The following LPP variants were observed in gnomAD, a reference collection of about 807,000 sequenced individuals.
LPP encodes the protein LIM domain containing preferred translocation partner in lipoma.
LPP carries 38 observed loss-of-function variants against 60.4 expected under a neutral mutation model. The observed-to-expected ratio is 0.63, with a 90% CI of 0.49 to 0.83. LPP has a LOEUF of 0.83. LPP is among the 40% of genes least tolerant of loss of function. LPP has a pLI of 0.00. For missense variants in LPP, 902 were observed against 783.6 expected (o/e 1.15, Z -1.80); for synonymous variants, 328 against 290.8 (o/e 1.13, Z -1.30).
At chr3:188,585,244 T>G (rs1278888740) in intron 6 of LPP, among the ~76,000 whole-genome samples, 2 of 152,366 alleles carry the variant, frequency 1.3e-5, no homozygotes, top group Non-Finnish European at 1.5e-5. Context: ...GCCTTTAGCA[T>G]GTCAATGCCT....
intron 7 of LPP, chr3:188,688,700 T>G: frequency 2.3e-6 from 1 of 439,312 alleles, no homozygotes; most frequent in Non-Finnish European, 4.6e-6. Flanking sequence ...ATGGCTTGTC[T>G]ATTCAGCAAG....
chr3:188,772,619 C>T (rs1249957366), intron 9 of LPP, among the ~76,000 whole-genome samples: 8 of 152,126 alleles, frequency 5.3e-5, no homozygotes, highest in Admixed American at 1.3e-4. Flanking sequence ...CTCGGCCTCC[C>T]GAGTAGCTGG....
chr3:188,784,209 A>G (rs948554217), intron 9 of LPP, among the ~76,000 whole-genome samples: 1 of 151,550 alleles, frequency 6.6e-6, no homozygotes, highest in Non-Finnish European at 1.5e-5. Flanking sequence ...TTCACTTAGA[A>G]TAATAATTTC....
At chr3:188,790,882 G>A (rs1743486331) in intron 9 of LPP, among the ~76,000 whole-genome samples, 2 of 151,664 alleles carry the variant, frequency 1.3e-5, no homozygotes, top group Admixed American at 1.3e-4. Context: ...AGGTAGCGAT[G>A]GTGCTTTTCA....
At chr3:188,499,735 T>C (rs773620326) in intron 5 of LPP, among the ~76,000 whole-genome samples, 10 of 152,220 alleles carry the variant, frequency 6.6e-5, no homozygotes, top group Non-Finnish European at 1.3e-4. Context: ...TCTTGCATTC[T>C]ATGAACATGA....
rs189493810 is a variant in LPP, at chr3:188,278,023, G to C, written c.-67+52496G>C. Among the ~76,000 whole-genome samples, 147 of 152,158 alleles carry C rather than the reference G, an allele frequency of 9.7e-4. 2 individuals are homozygous for C. Among genetic ancestry groups the C allele is most frequent in the Admixed American group, 7.3e-3 (111 of 15,286 alleles). ...TGCATTTCTTTTTGCCCTTTTTCTT[G>C]TGCTGGATTTTAGCCCCCAGCCTCT... On this transcript the variant is annotated intron_variant, in intron 2 of 11. Transcript: ENST00000617246.
chr3:188,188,751 T>C (rs568103559), intron 1 of LPP, among the ~76,000 whole-genome samples: 56 of 152,304 alleles, frequency 3.7e-4, no homozygotes, highest in African/African-American at 1.3e-3. Context: ...AATTGATGTA[T>C]TGAAGATGCT....
chr3:188,293,641 G>A (rs1488214360), intron 2 of LPP, among the ~76,000 whole-genome samples: 2 of 152,180 alleles, frequency 1.3e-5, no homozygotes, highest in African/African-American at 4.8e-5. Flanking sequence ...TTAAGAAGTA[G>A]ATTGGCTGAA....
intron 2 of LPP, among the ~76,000 whole-genome samples, chr3:188,309,638 C>G (rs781141031): frequency 7.3e-6 from 1 of 137,002 alleles, no homozygotes; most frequent in Non-Finnish European, 1.5e-5. Context: ...ATTGAGCAAT[C>G]TCCTTCATAG....
At chr3:188,432,833 T>C (rs1010174656) in intron 4 of LPP, among the ~76,000 whole-genome samples, 2 of 152,094 alleles carry the variant, frequency 1.3e-5, no homozygotes, top group Admixed American at 6.6e-5. Flanking sequence ...CTGAAATGTG[T>C]GGATGGGAGG....
intron 6 of LPP, among the ~76,000 whole-genome samples, chr3:188,586,808 A>G (rs920417461): frequency 1.3e-5 from 2 of 150,486 alleles, no homozygotes; most frequent in Non-Finnish European, 3.0e-5. Context: ...GCTCACTGCA[A>G]CCTCCACCTC....
chr3:188,249,746 T>C (rs980334579), intron 2 of LPP, among the ~76,000 whole-genome samples: 2 of 151,276 alleles, frequency 1.3e-5, no homozygotes, highest in African/African-American at 4.9e-5. Context: ...ATACTTTTAC[T>C]CAGATTCGTC....
Position 188,781,558 on chromosome 3 carries a change from G to A in LPP, c.1410+21276G>A, listed in dbSNP as rs182118136. 4.4e-4 allele frequency among the ~76,000 whole-genome samples: 67 copies of A among 151,720 alleles called. No individual in the cohort carries two copies. The East Asian group carries it at 0.012, about 27-fold the overall frequency. On this transcript the variant is annotated intron_variant, in intron 9 of 11. Transcript: ENST00000617246. ...CAGGGTGGCAGGAGAGAGAATGAGA[G>A]ACAAGCAAAAAAGGAAAAGCCCTTT...
At chr3:188,652,705 C>G (rs560697463) in intron 7 of LPP, among the ~76,000 whole-genome samples, 3 of 152,188 alleles carry the variant, frequency 2.0e-5, no homozygotes, top group African/African-American at 4.8e-5. Context: ...AAACCTTGAA[C>G]AAGTCATTTA....
chr3:188,379,526 A>AAACAAC (rs1196674592), intron 3 of LPP, among the ~76,000 whole-genome samples: 1 of 152,176 alleles, frequency 6.6e-6, no homozygotes. Flanking sequence ...AACAAAACCA[A>AAACAAC]AACAACAACA....
chr3:188,279,021 G>A (rs922843529), intron 2 of LPP, among the ~76,000 whole-genome samples: 2 of 152,212 alleles, frequency 1.3e-5, no homozygotes, highest in African/African-American at 2.4e-5. Flanking sequence ...TTCTGAGAAT[G>A]TAAATGCACA....
intron 2 of LPP, among the ~76,000 whole-genome samples, chr3:188,336,669 T>A (rs1187104019): frequency 6.6e-6 from 1 of 152,178 alleles, no homozygotes; most frequent in Non-Finnish European, 1.5e-5. Context: ...CAGTGGTGGC[T>A]GTATGCCACA....
intron 6 of LPP, among the ~76,000 whole-genome samples, chr3:188,588,278 A>C (rs1486161935): frequency 2.0e-5 from 3 of 152,202 alleles, no homozygotes; most frequent in Non-Finnish European, 4.4e-5. Context: ...TCTTAATGAA[A>C]AAACGGTCCC....
intron 4 of LPP, among the ~76,000 whole-genome samples, chr3:188,411,350 A>G (rs1379577738): frequency 6.6e-6 from 1 of 152,198 alleles, no homozygotes; most frequent in Non-Finnish European, 1.5e-5. Context: ...GAAAAACAAT[A>G]TGGAGATTCA....
Sources: allele counts gnomAD v4.1 joint callset (sites outside exome capture counted in the v4.1 genomes callset), GRCh38; gene constraint gnomAD v4.1.1; transcripts MANE v1.5; gene names NCBI Gene and HGNC (gene_info 2026-07-23, HGNC 2026-07-21).